The following RBFOX1 variants were observed in gnomAD, a reference collection of about 807,000 sequenced individuals.
RBFOX1 encodes RNA binding protein fox-1 homolog 1.
RBFOX1 carries 8 observed loss-of-function variants against 57.7 expected under a neutral mutation model. The ratio of observed to expected loss-of-function variants is 0.14; its 90% CI spans 0.08 to 0.25. The LOEUF is 0.25. Ranked by LOEUF, RBFOX1 falls within the 10% of genes least tolerant of loss-of-function variation. RBFOX1 has a pLI of 1.00. For synonymous variants in RBFOX1, 326 were observed against 222.4 expected, an observed-to-expected ratio of 1.47 and a Z score of -4.15; for missense variants, 611 against 548.5, an observed-to-expected ratio of 1.11 and a Z score of -1.14.
chr16:7,313,127 G>A (rs892056475), intron 4 of RBFOX1, among the ~76,000 whole-genome samples: 1 of 152,162 alleles, frequency 6.6e-6, no homozygotes, highest in African/African-American at 2.4e-5. Context: ...GGCCACTCCT[G>A]GAATTTCTGG....
intron 3 of RBFOX1, among the ~76,000 whole-genome samples, chr16:5,649,550 C>T (rs955648041): frequency 6.6e-6 from 1 of 152,198 alleles, no homozygotes; most frequent in African/African-American, 2.4e-5. Context: ...TTTAATAAAA[C>T]TAAAAACAGA....
chr16:5,407,936 C>T (rs970324942), intron 1 of RBFOX1, among the ~76,000 whole-genome samples: 1 of 152,206 alleles, frequency 6.6e-6, no homozygotes, highest in African/African-American at 2.4e-5. Flanking sequence ...AAGATCACTG[C>T]CCAGGACCCA....
chr16:6,459,469 C>G (rs540701305), intron 2 of RBFOX1, among the ~76,000 whole-genome samples: 43 of 152,158 alleles, frequency 2.8e-4, no homozygotes, highest in Non-Finnish European at 5.0e-4. Flanking sequence ...TCAAAATAAT[C>G]TAAACTATTT....
chr16:7,680,791 G>T (rs2074531762), intron 14 of RBFOX1, among the ~76,000 whole-genome samples: 1 of 152,166 alleles, frequency 6.6e-6, no homozygotes, highest in East Asian at 1.9e-4. Flanking sequence ...ATGACATATT[G>T]GCTCTGTTGT....
chr16:5,996,681 A>T (rs2060496214), intron 4 of RBFOX1, among the ~76,000 whole-genome samples: 1 of 152,066 alleles, frequency 6.6e-6, no homozygotes. Flanking sequence ...GAGAGAGAGC[A>T]GTTAAAGGAC....
intron 1 of RBFOX1, among the ~76,000 whole-genome samples, chr16:6,107,056 C>G (rs1395506700): frequency 6.6e-6 from 1 of 152,182 alleles, no homozygotes; most frequent in African/African-American, 2.4e-5. Flanking sequence ...AATCAGCAGC[C>G]CAGAGAAGAC....
At chr16:7,238,569 C>A (rs1468434805) in intron 4 of RBFOX1, among the ~76,000 whole-genome samples, 3 of 152,130 alleles carry the variant, frequency 2.0e-5, no homozygotes, top group Admixed American at 1.3e-4. Context: ...CTTCTGTGTT[C>A]TTCCCATCTT....
chr16:5,915,859 C>T (rs1429920052), intron 4 of RBFOX1, among the ~76,000 whole-genome samples: 1 of 152,008 alleles, frequency 6.6e-6, no homozygotes, highest in Non-Finnish European at 1.5e-5. Flanking sequence ...TTATAGACTA[C>T]AATATGACAC....
intron 1 of RBFOX1, among the ~76,000 whole-genome samples, chr16:6,196,939 C>T (rs1190250878): frequency 6.6e-6 from 1 of 152,102 alleles, no homozygotes; most frequent in African/African-American, 2.4e-5. Context: ...TAACATCATT[C>T]AGTGACATTC....
Position 7,542,699 on chromosome 16 carries a change from G to GA in RBFOX1, c.270+24331dup, listed in dbSNP as rs59316335. 9.1e-3 allele frequency among the ~76,000 whole-genome samples: 678 copies of GA among 74,354 alleles called. 17 individuals are homozygous for GA. The highest frequency in any genetic ancestry group is 0.027 in the African/African-American group (506 of 18,532). 48.8% of individuals were successfully genotyped at this position (74,354 alleles called of 152,430 possible). A position where few individuals can be genotyped will look rare whatever the true frequency, so the allele number is the denominator to read the frequency against. On this transcript the variant is annotated intron_variant, in intron 5 of 15. Coordinates refer to ENST00000550418, the MANE Select transcript of RBFOX1 (RefSeq NM_018723.4). ...GTGAAACCCTGTCTCTACTAAAAATGAAAAAAAAAAAAAAAAAAAAAGCCA... is the reference window on the plus strand; with the variant it reads ...GTGAAACCCTGTCTCTACTAAAAATGAAAAAAAAAAAAAAAAAAAAAAGCCA...
chr16:5,591,402 C>T (rs1422185954), intron 2 of RBFOX1, among the ~76,000 whole-genome samples: 1 of 152,066 alleles, frequency 6.6e-6, no homozygotes, highest in South Asian at 2.1e-4. Context: ...CAGGCACCCA[C>T]CACTGTGCTC....
chr16:5,577,245 A>C (rs774453654), intron 2 of RBFOX1, among the ~76,000 whole-genome samples: 3 of 152,206 alleles, frequency 2.0e-5, no homozygotes, highest in South Asian at 2.1e-4. Context: ...AAGAACAAGC[A>C]GACTCCGGGT....
intron 4 of RBFOX1, among the ~76,000 whole-genome samples, chr16:7,342,428 A>C (rs2096916194): frequency 6.6e-6 from 1 of 152,220 alleles, no homozygotes; most frequent in Non-Finnish European, 1.5e-5. Context: ...GGGGATGGTC[A>C]CATCGACTGC....
chr16:7,699,164 CTTGGGACACACT>C (rs1012199929), intron 14 of RBFOX1, among the ~76,000 whole-genome samples: 1 of 152,116 alleles, frequency 6.6e-6, no homozygotes, highest in Non-Finnish European at 1.5e-5. Flanking sequence ...GACCTCACAC[CTTGGGACACACT>C]AACTGATCAA....
At chr16:7,129,324 G>A (rs911094686) in intron 4 of RBFOX1, among the ~76,000 whole-genome samples, 1 of 152,102 alleles carries the variant, frequency 6.6e-6, no homozygotes, top group African/African-American at 2.4e-5. Flanking sequence ...TTTGGGTCCT[G>A]TCTTCATTTC....
intron 3 of RBFOX1, among the ~76,000 whole-genome samples, chr16:5,696,437 T>C (rs2050844185): frequency 6.6e-6 from 1 of 152,214 alleles, no homozygotes; most frequent in African/African-American, 2.4e-5. Context: ...GTTATTTACA[T>C]ATTTTTACTT....
At chr16:5,384,528 C>T (rs1180172712) in intron 1 of RBFOX1, among the ~76,000 whole-genome samples, 1 of 152,044 alleles carries the variant, frequency 6.6e-6, no homozygotes. Flanking sequence ...GTAGGCCAGG[C>T]AGAGGGACAA....
At chr16:7,671,152 T>G (rs560649384) in intron 13 of RBFOX1, among the ~76,000 whole-genome samples, 2 of 152,308 alleles carry the variant, frequency 1.3e-5, no homozygotes, top group African/African-American at 4.8e-5. Flanking sequence ...CTTAACTACT[T>G]CAATAATAAG....
chr16:7,608,351 T>G (rs768124891), intron 10 of RBFOX1, among the ~76,000 whole-genome samples: 1 of 152,158 alleles, frequency 6.6e-6, no homozygotes, highest in Non-Finnish European at 1.5e-5. Flanking sequence ...TCTGACAAAA[T>G]TTAAGTTAAA....
Sources: gnomAD v4.1 joint callset for allele counts (sites outside exome capture counted in the v4.1 genomes callset) on GRCh38, gnomAD v4.1.1 for gene constraint, MANE v1.5 for transcripts, NCBI Gene and HGNC (gene_info 2026-07-23, HGNC 2026-07-21) for gene names.